Variants in LRRC9 observed in about 807,000 individuals in gnomAD.
LRRC9 encodes the protein leucine rich repeat containing 9.
LRRC9 carries 122 observed loss-of-function variants against 63.2 expected under a neutral mutation model. That is an observed-to-expected ratio of 1.93 (90% confidence interval 1.67 to 2.24). The LOEUF is 2.24. LRRC9 is among the 30% of genes most tolerant of loss of function. The pLI is 0.00. For missense variants in LRRC9, 1,071 were observed against 627.7 expected, an observed-to-expected ratio of 1.71 and a Z score of -7.55; for synonymous variants, 366 against 213.1, an observed-to-expected ratio of 1.72 and a Z score of -6.25.
At chr14:60,034,746 G>A (rs189529566) in intron 29 of LRRC9, among the ~76,000 whole-genome samples, 7 of 152,140 alleles carry the variant, frequency 4.6e-5, no homozygotes, top group East Asian at 1.9e-4. Flanking sequence ...CCATTCATCC[G>A]CTGATGGGCA....
chr14:59,928,328 T>C (rs1303149535), exon 3 of LRRC9: 11 of 674,224 alleles, frequency 1.6e-5, no homozygotes, highest in Non-Finnish European at 2.7e-5. Flanking sequence ...TACATCAAAG[T>C]TGGAGATGTT....
intron 29 of LRRC9, among the ~76,000 whole-genome samples, chr14:60,047,934 A>G (rs2140414283): frequency 1.3e-5 from 2 of 152,342 alleles, no homozygotes; most frequent in African/African-American, 4.8e-5. Context: ...TGAAATCATA[A>G]CAAACAGTCT....
rs143747174 is a variant in LRRC9 at position 60,030,794 on chromosome 14, A to G, written c.3922-1201A>G. 1.7e-4 allele frequency among the ~76,000 whole-genome samples: 26 copies of G among 152,132 alleles called. No individual in the cohort carries two copies. The East Asian group carries it at 4.4e-3, about 26-fold the overall frequency. ...TCACAAAATTCCTAAAAATTTACCA[A>G]TTGACTTTTTGTGAGCCAGTAGCAG... On this transcript the variant is annotated intron_variant, in intron 28 of 31. Coordinates refer to ENST00000445360, the Ensembl canonical transcript of LRRC9.
chr14:60,003,583 A>C lies in LRRC9; in HGVS notation c.2665-38A>C, dbSNP rs1821375615. The C allele has an allele frequency of 1.9e-6, 1 of 532,878 alleles. No homozygotes were observed. The highest frequency in any genetic ancestry group is 2.8e-5 in the South Asian group (1 of 35,312). The allele number at this position is 532,878 out of a possible 1,614,324, so 33.0% of individuals were successfully genotyped here. ...GTTATTAACATTGACTGAATTTATA[A>C]GATTTAGAAATAACATACAATGTAA... On this transcript the variant is annotated intron_variant, in intron 20 of 31. Coordinates refer to ENST00000445360, the Ensembl canonical transcript of LRRC9. This position sits in a 1 kb window ranked among gnomAD's most constrained non-coding sequence, Gnocchi z 4.2.
intron 26 of LRRC9, among the ~76,000 whole-genome samples, chr14:60,021,416 A>G (rs181580088): frequency 6.6e-6 from 1 of 152,002 alleles, no homozygotes; most frequent in East Asian, 1.9e-4. Flanking sequence ...AATGATTTAC[A>G]GATATTGTCT....
At chr14:60,013,016 C>T (rs219385) in intron 23 of LRRC9, among the ~76,000 whole-genome samples, 112,515 of 150,428 alleles carry the variant, frequency 0.75, 44,142 homozygotes, top group Non-Finnish European at 0.87. Flanking sequence ...TGTGCAGGTT[C>T]GTTACATATG....
chr14:59,922,417 C>G lies in LRRC9; in HGVS notation c.-34+2534C>G, dbSNP rs1295940152. Among the ~76,000 whole-genome samples the G allele has an allele frequency of 6.6e-6, 1 of 152,114 alleles. No homozygotes were observed. The highest frequency in any genetic ancestry group is 1.5e-5 in the Non-Finnish European group (1 of 68,002). Reference sequence around the variant, plus strand: ...GGTGTACCATAAAGGTATCTAAAAACAGCTATTCATAGAAGAATATAGGAG... The same window carrying G: ...GGTGTACCATAAAGGTATCTAAAAAGAGCTATTCATAGAAGAATATAGGAG... On this transcript the variant is annotated intron_variant, in intron 1 of 31. Coordinates refer to ENST00000445360, the Ensembl canonical transcript of LRRC9. The surrounding 1 kb of genome is among the most constrained non-coding windows in gnomAD (Gnocchi z 5.3).
intron 29 of LRRC9, among the ~76,000 whole-genome samples, chr14:60,045,364 C>T (rs777390995): frequency 2.6e-5 from 4 of 152,122 alleles, no homozygotes; most frequent in South Asian, 2.1e-4. Flanking sequence ...GCACAGGTCA[C>T]CCCATCACCT....
intron 14 of LRRC9, among the ~76,000 whole-genome samples, 167 bp from the exon 15 acceptor site, chr14:59,977,850 G>A (rs1041464191): frequency 2.0e-5 from 3 of 151,836 alleles, no homozygotes; most frequent in Admixed American, 1.3e-4. Context: ...TATAACTGTC[G>A]CAACTTACTG....
chr14:59,948,483 A>G (rs1256095608), intron 8 of LRRC9, among the ~76,000 whole-genome samples: 1 of 125,066 alleles, frequency 8.0e-6, no homozygotes, highest in Non-Finnish European at 1.6e-5. Flanking sequence ...CTCTTTTCCT[A>G]ATTGAATACC....
rs35427175 is a variant in LRRC9 at position 60,008,141 on chromosome 14, G to A, written c.3113G>A (p.Trp1038Ter). 14,934 of 701,394 alleles carry A rather than the reference G, an allele frequency of 0.021. 209 individuals are homozygous for A. The highest frequency in any genetic ancestry group is 0.029 in the Non-Finnish European group (10,997 of 384,142). 43.4% of individuals were successfully genotyped at this position (701,394 alleles called of 1,614,324 possible). A position where few individuals can be genotyped will look rare whatever the true frequency, so the allele number is the denominator to read the frequency against. Residue 1038 changes from tryptophan (W) to a stop codon, truncating the protein, a stop_gained, in exon 23 of 32, where the codon TGG becomes TAG. Transcript: ENST00000445360. LOFTEE classifies it high-confidence loss of function. Reference sequence around the variant, plus strand: ...GACATGTGTGGGAACATCATTATATGGAATCAAGAAAACTACCGGTTGTTT... The same window carrying A: ...GACATGTGTGGGAACATCATTATATAGAATCAAGAAAACTACCGGTTGTTT...
At chr14:60,049,120 G>T (rs1404105256) in intron 29 of LRRC9, among the ~76,000 whole-genome samples, 2 of 152,136 alleles carry the variant, frequency 1.3e-5, no homozygotes, top group African/African-American at 2.4e-5. Flanking sequence ...ACTAGTTATT[G>T]AAGGAATATA....
intron 12 of LRRC9, among the ~76,000 whole-genome samples, chr14:59,969,950 G>A (rs1449746967): frequency 3.3e-5 from 5 of 152,074 alleles, no homozygotes; most frequent in African/African-American, 1.2e-4. Context: ...CTCTTATATA[G>A]TGTGTCTAAA....
At position 59,962,947 on chromosome 14, in the gene LRRC9, G is replaced by A. The variant is rs1343263460; in HGVS notation, c.1211+1902G>A. Among the ~76,000 whole-genome samples the A allele has an allele frequency of 2.0e-5, 3 of 152,152 alleles. No individual in the cohort carries two copies. The East Asian group carries it at 5.8e-4, about 29-fold the overall frequency. ...GTTTTAAGGAATATATCAAATATATGTTAGCAGAATTTAAAGTACTGTTTT... is the reference window on the plus strand; with the variant it reads ...GTTTTAAGGAATATATCAAATATATATTAGCAGAATTTAAAGTACTGTTTT... On this transcript the variant is annotated intron_variant, in intron 10 of 31. Coordinates refer to ENST00000445360, the Ensembl canonical transcript of LRRC9. The surrounding 1 kb of genome is among the most constrained non-coding windows in gnomAD (Gnocchi z 5.1).
chr14:60,040,958 G>A lies in LRRC9; in HGVS notation c.3990+8895G>A, dbSNP rs1014055491. 4.6e-5 allele frequency among the ~76,000 whole-genome samples: 7 copies of A among 151,884 alleles called. 1 individual carries two copies. The highest frequency in any genetic ancestry group is 1.7e-4 in the African/African-American group (7 of 41,164). On this transcript the variant is annotated intron_variant, in intron 29 of 31. Coordinates refer to ENST00000445360, the Ensembl canonical transcript of LRRC9. ...GAGGTCTTGTAAGGCAGGCCTGGTG[G>A]TGACAAAATCTCTCAGCATTTGTTT... is the stretch of plus-strand genomic sequence containing the variant.
At chr14:60,034,015 C>CTTTTTTTTTTTTTTTT (rs1157239003) in intron 29 of LRRC9, among the ~76,000 whole-genome samples, 2 of 116,058 alleles carry the variant, frequency 1.7e-5, no homozygotes, top group African/African-American at 3.7e-5. Flanking sequence ...TTTTTTCTTT[C>CTTTTTTTTTTTTTTTT]TTTTTTTTTT....
In LRRC9 at chr14:59,932,859, A is replaced by T. The variant is rs1889817311; in HGVS notation, c.543+820A>T. On this transcript the variant is annotated intron_variant, in intron 6 of 31. Coordinates refer to ENST00000445360, the Ensembl canonical transcript of LRRC9. This position sits in a 1 kb window ranked among gnomAD's most constrained non-coding sequence, Gnocchi z 4.7. ...CTGATGGAACCTTTAAAAATCTGTCAGATAAAAATCACCCTTCTGCTTAAA... is the reference window on the plus strand; with the variant it reads ...CTGATGGAACCTTTAAAAATCTGTCTGATAAAAATCACCCTTCTGCTTAAA... Among the ~76,000 whole-genome samples, 1 of 152,144 alleles carries T rather than the reference A, an allele frequency of 6.6e-6. No homozygotes were observed. The highest frequency in any genetic ancestry group is 1.5e-5 in the Non-Finnish European group (1 of 67,996).
In LRRC9 at chr14:59,932,570, T is replaced by C. The variant is rs1191937253; in HGVS notation, c.543+531T>C. On this transcript the variant is annotated intron_variant, in intron 6 of 31. Transcript: ENST00000445360. This position sits in a 1 kb window ranked among gnomAD's most constrained non-coding sequence, Gnocchi z 4.7. Reference sequence around the variant, plus strand: ...CTCACCTCTCTAAATGGAGTCTCCATTCTTGCAGTAACTTAAGCCAAAATC... The same window carrying C: ...CTCACCTCTCTAAATGGAGTCTCCACTCTTGCAGTAACTTAAGCCAAAATC... 6.6e-6 allele frequency among the ~76,000 whole-genome samples: 1 copy of C among 152,116 alleles called. No individual in the cohort carries two copies. Among genetic ancestry groups the C allele is most frequent in the African/African-American group, 2.4e-5 (1 of 41,448 alleles).
intron 28 of LRRC9, among the ~76,000 whole-genome samples, chr14:60,030,812 A>T (rs1232250732): frequency 1.3e-5 from 2 of 152,056 alleles, no homozygotes; most frequent in African/African-American, 2.4e-5. Flanking sequence ...TTTGTGAGCC[A>T]GTAGCAGCAC....
Sources: gnomAD v4.1 joint callset for allele counts (sites outside exome capture counted in the v4.1 genomes callset) on GRCh38, gnomAD v4.1.1 for gene constraint, Gnocchi (gnomAD v3.1) non-coding constraint, MANE v1.5 for transcripts, NCBI Gene and HGNC (gene_info 2026-07-23, HGNC 2026-07-21) for gene names.